The following INPP5A variants were observed in gnomAD, a reference collection of about 807,000 sequenced individuals.
INPP5A encodes the protein 43 kDa inositol polyphosphate 5-phophatase.
A neutral mutation model predicts 65.2 loss-of-function variants in INPP5A; 14 were observed. The observed-to-expected ratio is 0.21, with a 90% CI of 0.14 to 0.34. The LOEUF is 0.34. Among genes scored for constraint, INPP5A ranks in the 10% least tolerant of loss-of-function variants. INPP5A has a pLI of 1.00. For synonymous variants in INPP5A, 207 were observed against 208.3 expected (o/e 0.99, Z 0.05); for missense variants, 431 against 545.6 (o/e 0.79, Z 2.09).
intron 4 of INPP5A, among the ~76,000 whole-genome samples, chr10:132,687,619 A>T (rs1397633083): frequency 6.6e-6 from 1 of 152,186 alleles, no homozygotes; most frequent in African/African-American, 2.4e-5. Flanking sequence ...GGTCCCTGTC[A>T]TCTAGCCTGG....
At chr10:132,687,390 C>T (rs536780352) in intron 4 of INPP5A, among the ~76,000 whole-genome samples, 33 of 152,384 alleles carry the variant, frequency 2.2e-4, no homozygotes, top group Non-Finnish European at 4.0e-4. Flanking sequence ...ACGCAGCCTT[C>T]TGGACCCAGC....
chr10:132,697,902 C>A lies in INPP5A; in HGVS notation c.457C>A (p.Gln153Lys). Residue 153 changes from glutamine to lysine, a missense_variant, in exon 6 of 16, where the codon CAG becomes AAG. By Grantham distance (53) the Gln-to-Lys change is moderately conservative (BLOSUM62 1). Coordinates refer to ENST00000368594, the MANE Select transcript of INPP5A (RefSeq NM_005539.5). The surrounding 1 kb of genome is among the most constrained non-coding windows in gnomAD (Gnocchi z 5.6). ...TPMLEKEKFP[Q>K]DYFPECKWSR... The stretch of plus-strand genomic sequence containing the variant: ...CATGCTGGAGAAGGAGAAGTTTCCG[C>A]AGGACTACTTCCCCGAGGTACGTAG... The A allele has an allele frequency of 1.2e-6, 2 of 1,610,928 alleles. No individual in the cohort carries two copies. The highest frequency in any genetic ancestry group is 8.5e-7 in the Non-Finnish European group (1 of 1,177,200).
intron 1 of INPP5A, among the ~76,000 whole-genome samples, chr10:132,564,632 A>T (rs2071250782): frequency 6.6e-6 from 1 of 152,222 alleles, no homozygotes; most frequent in South Asian, 2.1e-4. Context: ...TTTTAACTGG[A>T]TGAAAATTTA....
intron 9 of INPP5A, among the ~76,000 whole-genome samples, chr10:132,743,520 G>A (rs1210971449): frequency 1.3e-5 from 2 of 152,274 alleles, no homozygotes; most frequent in Non-Finnish European, 2.9e-5. Flanking sequence ...TAACCCTGGG[G>A]CTGTGGGCTC....
intron 12 of INPP5A, among the ~76,000 whole-genome samples, chr10:132,775,265 C>G (rs141550351): frequency 2.1e-4 from 31 of 151,210 alleles, no homozygotes; most frequent in Non-Finnish European, 3.5e-4. Context: ...CACAGGAGTA[C>G]GATTGTTCGC....
At chr10:132,570,851 G>A (rs1039228797) in intron 1 of INPP5A, among the ~76,000 whole-genome samples, 1 of 152,184 alleles carries the variant, frequency 6.6e-6, no homozygotes, top group Non-Finnish European at 1.5e-5. Flanking sequence ...AGTGAGCTTC[G>A]TGCTGCGATG....
At chr10:132,609,602 T>C (rs2071912731) in intron 2 of INPP5A, among the ~76,000 whole-genome samples, 1 of 152,252 alleles carries the variant, frequency 6.6e-6, no homozygotes, top group African/African-American at 2.4e-5. Flanking sequence ...TGTGTTTTGG[T>C]GTTTTTCCTT....
intron 7 of INPP5A, chr10:132,708,637 TC>T (rs1845580949): frequency 1.8e-6 from 1 of 548,050 alleles, no homozygotes; most frequent in Admixed American, 2.4e-5. Flanking sequence ...GCTGGAGAGT[TC>T]CGCTGGCCAG....
chr10:132,661,926 C>T (rs1291759601), intron 4 of INPP5A, among the ~76,000 whole-genome samples: 2 of 152,172 alleles, frequency 1.3e-5, no homozygotes, highest in East Asian at 3.8e-4. Context: ...AGTGAATGAT[C>T]TTTTCCACAA....
intron 11 of INPP5A, among the ~76,000 whole-genome samples, chr10:132,755,564 GAGC>G (rs1168227382): frequency 4.6e-5 from 7 of 150,642 alleles, no homozygotes; most frequent in African/African-American, 7.3e-5. Context: ...GTGTGCATGA[GAGC>G]AGGTGTGAGC....
chr10:132,664,421 G>A (rs1199052969), intron 4 of INPP5A, among the ~76,000 whole-genome samples: 1 of 152,256 alleles, frequency 6.6e-6, no homozygotes, highest in Non-Finnish European at 1.5e-5. Context: ...GTCACAGCCT[G>A]CCCAGGACCC....
intron 1 of INPP5A, among the ~76,000 whole-genome samples, chr10:132,579,865 T>A (rs1215014460): frequency 6.6e-6 from 1 of 152,016 alleles, no homozygotes; most frequent in East Asian, 1.9e-4. Context: ...TGGTTCTTGG[T>A]GCTCCCCTTT....
intron 9 of INPP5A, among the ~76,000 whole-genome samples, chr10:132,739,464 C>T (rs1846236018): frequency 6.6e-6 from 1 of 152,248 alleles, no homozygotes; most frequent in Admixed American, 6.5e-5. Context: ...GCACCTGCTA[C>T]ACCCCCAGCC....
chr10:132,755,123 G>T (rs956396518), intron 11 of INPP5A, among the ~76,000 whole-genome samples: 1 of 152,044 alleles, frequency 6.6e-6, no homozygotes, highest in African/African-American at 2.4e-5. Flanking sequence ...GCTGGCGTGT[G>T]AGCAGGTGTG....
At chr10:132,781,813 G>A (rs1188618973) in intron 14 of INPP5A, 48 bp from the exon 15 acceptor site, 6 of 1,478,744 alleles carry the variant, frequency 4.1e-6, no homozygotes, top group Non-Finnish European at 4.7e-6. Flanking sequence ...CATGTGCTGT[G>A]CTGTCCCGCG....
At chr10:132,770,208 C>T (rs766403885) in intron 12 of INPP5A, among the ~76,000 whole-genome samples, 5 of 152,166 alleles carry the variant, frequency 3.3e-5, no homozygotes, top group Non-Finnish European at 7.3e-5. Flanking sequence ...CAGGCTGAGC[C>T]TTCAGGCCCA....
At chr10:132,780,179 C>G (rs1847136388) in intron 13 of INPP5A, among the ~76,000 whole-genome samples, 1 of 152,256 alleles carries the variant, frequency 6.6e-6, no homozygotes, top group Non-Finnish European at 1.5e-5. Context: ...TGGATAGTCT[C>G]AGATGCTCCA....
At chr10:132,606,593 C>G (rs2071855916) in intron 1 of INPP5A, among the ~76,000 whole-genome samples, 1 of 152,340 alleles carries the variant, frequency 6.6e-6, no homozygotes, top group Non-Finnish European at 1.5e-5. Flanking sequence ...ATTAATTTAT[C>G]TAAAATTCAG....
chr10:132,728,456 TG>T (rs1846024281), intron 9 of INPP5A, among the ~76,000 whole-genome samples: 1 of 152,212 alleles, frequency 6.6e-6, no homozygotes, highest in African/African-American at 2.4e-5. Context: ...GAGCAAGGCC[TG>T]GGGGCCACAG....
Sources: gnomAD v4.1 joint callset for allele counts (sites outside exome capture counted in the v4.1 genomes callset) on GRCh38, gnomAD v4.1.1 for gene constraint, Gnocchi (gnomAD v3.1) non-coding constraint, MANE v1.5 for transcripts, NCBI Gene and HGNC (gene_info 2026-07-23, HGNC 2026-07-21) for gene names.